LRRC61: variants seen among roughly 807,000 people sequenced by gnomAD.
The protein encoded by LRRC61 is leucine rich repeat containing 61.
LRRC61 carries 9 observed loss-of-function variants against 15.1 expected under a neutral mutation model. The observed-to-expected ratio is 0.60, with a 90% CI of 0.36 to 1.04. The LOEUF (loss-of-function observed/expected upper bound fraction) is 1.04, where lower values mean the gene tolerates loss of function less well. LRRC61 is among the 50% of genes least tolerant of loss of function. The probability of loss-of-function intolerance (pLI) is 0.01; values close to 1 mark genes in which losing one functional copy is unlikely to be tolerated. For synonymous variants in LRRC61, 173 were observed against 158.6 expected, an observed-to-expected ratio of 1.09 and a Z score of -0.68; for missense variants, 344 against 335.6, an observed-to-expected ratio of 1.03 and a Z score of -0.20.
In LRRC61 at chr7:150,325,849, G is replaced by A. The variant is rs2129618122; in HGVS notation, c.-306G>A. On this transcript the variant is annotated 5_prime_UTR_variant, in exon 2 of 3. Transcript: ENST00000359623. ...TAAAATTTACGTTTTAGATTCATTT[G>A]GATTCAAGGTTGGCTCTCAACAGTG... The A allele has an allele frequency of 6.5e-6, 1 of 152,740 alleles. No homozygotes were observed. Among genetic ancestry groups the A allele is most frequent in the East Asian group, 1.9e-4 (1 of 5,192 alleles). The allele number at this position is 152,740 out of a possible 1,614,324, so 9.5% of individuals were successfully genotyped here.
rs1369891261 is a variant in LRRC61, at chr7:150,337,473, C to T, written c.612C>T (p.Tyr204=). 6.2e-7 allele frequency: 1 copy of T among 1,603,186 alleles called. No individual in the cohort carries two copies. Among genetic ancestry groups the T allele is most frequent in the South Asian group, 1.1e-5 (1 of 91,024 alleles). ...CCCAGCCCTGGGTGGAGCCAGGCTA[C>T]TGGGAGTCCTGGCCCAGCCGGAGCA... ...TEAQPWVEPG[Y]WESWPSRSSS... is the part of the protein sequence containing the mutation. Residue 204 remains tyrosine (Y), a synonymous_variant, in exon 3 of 3, where the codon TAC becomes TAT. Transcript: ENST00000359623.
At position 150,330,104 on chromosome 7, in the gene LRRC61, C is replaced by T. The variant is rs1798058359; in HGVS notation, c.-145+4094C>T. 1 of 422,196 alleles carries T rather than the reference C, an allele frequency of 2.4e-6. No homozygotes were observed. The highest frequency in any genetic ancestry group is 2.1e-5 in the African/African-American group (1 of 48,642). The allele number at this position is 422,196 out of a possible 1,614,324, so 26.2% of individuals were successfully genotyped here. ...TGAGAAACTTTCTGTGTCACCCTCA[C>T]AGTGTCCAGATCATCCTGGGCACTG... is the stretch of plus-strand genomic sequence containing the variant. On this transcript the variant is annotated intron_variant, in intron 2 of 2. Transcript: ENST00000359623. The surrounding 1 kb of genome is among the most constrained non-coding windows in gnomAD (Gnocchi z 4.6).
At position 150,337,374 on chromosome 7, in the gene LRRC61, G is replaced by C. The variant is rs1798339378; in HGVS notation, c.513G>C (p.Glu171Asp). ...AGCGTGTGATTGGGCGTGGTAGTGA[G>C]TTCTACCAGCTGTGCCGAGACCTGG... ...DGERVIGRGS[E>D]FYQLCRDLDS... is the part of the protein sequence containing the mutation. The change falls in exon 3 of 3, where the codon GAG (glutamate) becomes GAC (aspartate). Residue 171 changes from glutamate (E) to aspartate (D), a missense_variant. Coordinates refer to ENST00000359623, the MANE Select transcript of LRRC61 (RefSeq NM_001142928.2). 6.2e-7 allele frequency: 1 copy of C among 1,605,390 alleles called. No homozygotes were observed. Among genetic ancestry groups the C allele is most frequent in the South Asian group, 1.1e-5 (1 of 91,088 alleles).
chr7:150,336,085 A>G (rs1321378644), intron 2 of LRRC61, among the ~76,000 whole-genome samples: 1 of 152,214 alleles, frequency 6.6e-6, no homozygotes, highest in Non-Finnish European at 1.5e-5. Context: ...CACTTACCCC[A>G]GCCTTCCCTG....
chr7:150,318,560 A>C (rs1015543840), upstream of LRRC61, among the ~76,000 whole-genome samples: 20 of 152,172 alleles, frequency 1.3e-4, no homozygotes, highest in African/African-American at 4.8e-4. Flanking sequence ...TCAGGAGTTC[A>C]AGACCAGCCT....
Position 150,330,958 on chromosome 7 carries a change from T to C in LRRC61, c.-145+4948T>C, listed in dbSNP as rs1044513689. On this transcript the variant is annotated intron_variant, in intron 2 of 2. Transcript: ENST00000359623. The surrounding 1 kb of genome is among the most constrained non-coding windows in gnomAD (Gnocchi z 4.6). The stretch of plus-strand genomic sequence containing the variant: ...GCCTCTGAGAGAAGCGGGGGCTCGC[T>C]GTCCACCAAGAGCCACTGGGCCAGC... 3 of 1,611,938 alleles carry C rather than the reference T, an allele frequency of 1.9e-6. No homozygotes were observed. Among genetic ancestry groups the C allele is most frequent in the Non-Finnish European group, 2.5e-6 (3 of 1,179,954 alleles).
chr7:150,330,332 G>T lies in LRRC61; in HGVS notation c.-145+4322G>T. On this transcript the variant is annotated intron_variant, in intron 2 of 2. Transcript: ENST00000359623. The surrounding 1 kb of genome is among the most constrained non-coding windows in gnomAD (Gnocchi z 4.6). ...ACAAGGGCAGGCACCAGCTGGGGAA[G>T]GCTGGTGTTGCCTTGTCGGCCACAT... 1.4e-6 allele frequency: 1 copy of T among 736,320 alleles called. No homozygotes were observed. 45.6% of individuals were successfully genotyped at this position (736,320 alleles called of 1,614,324 possible).
At chr7:150,315,016 AAAT>A in the LRRC61 span, among the ~76,000 whole-genome samples, 4,426 of 147,426 alleles carry the variant, frequency 0.03, 107 homozygotes, top group Non-Finnish European at 0.045. Context: ...TTAAATAATA[AAAT>A]AATATTTATA....
Position 150,337,544 on chromosome 7 carries a change from AG to A in LRRC61, c.685del (p.Glu229SerfsTer97). Reference protein sequence around the residue: ...EACRQFQDTLQECWDLDRQAS... With the variant: ...EACRQFQDTLXECWDLDRQAS... ...TGCCGGCAGTTCCAGGACACACTGC[AG>A]GAGTGCTGGGACCTGGACCGCCAGG... On this transcript the variant is annotated frameshift_variant, in exon 3 of 3. Coordinates refer to ENST00000359623, the MANE Select transcript of LRRC61 (RefSeq NM_001142928.2). LOFTEE classifies it high-confidence loss of function. 1 of 1,603,802 alleles carries A rather than the reference AG, an allele frequency of 6.2e-7. No homozygotes were observed. The highest frequency in any genetic ancestry group is 8.5e-7 in the Non-Finnish European group (1 of 1,176,952).
intron 2 of LRRC61, among the ~76,000 whole-genome samples, chr7:150,334,290 C>CTA (rs1425796833): frequency 6.6e-6 from 1 of 152,182 alleles, no homozygotes; most frequent in African/African-American, 2.4e-5. Context: ...TCGTCTGAGT[C>CTA]CAGTGGGGCG....
chr7:150,323,621 G>T, intron 1 of LRRC61, 61 bp downstream of exon 1: 1 of 454,352 alleles, frequency 2.2e-6, no homozygotes, highest in Non-Finnish European at 4.4e-6. Flanking sequence ...GCCCGTGCCG[G>T]CCCCGGGGGG....
chr7:150,319,722 T>C (rs1797303039), upstream of LRRC61, among the ~76,000 whole-genome samples: 1 of 152,216 alleles, frequency 6.6e-6, no homozygotes, highest in Non-Finnish European at 1.5e-5. Context: ...TTTAAAACAC[T>C]GTTGGGGCTA....
chr7:150,319,469 A>T (rs1296702248), upstream of LRRC61, among the ~76,000 whole-genome samples: 2 of 152,128 alleles, frequency 1.3e-5, no homozygotes, highest in African/African-American at 4.8e-5. Flanking sequence ...GGCCTCCCAA[A>T]GTGCTGGGAT....
rs1400252455 is a variant in LRRC61 at position 150,335,979 on chromosome 7, G to A, written c.-144-739G>A. ...ACCGTGCTGTCTGGCACGTATATCA[G>A]TGCTGTTCCATTGATCTGTCCAGCT... On this transcript the variant is annotated intron_variant, in intron 2 of 2. Coordinates refer to ENST00000359623, the MANE Select transcript of LRRC61 (RefSeq NM_001142928.2). The surrounding 1 kb of genome is among the most constrained non-coding windows in gnomAD (Gnocchi z 4.3). 6.6e-6 allele frequency among the ~76,000 whole-genome samples: 1 copy of A among 152,192 alleles called. No homozygotes were observed. Among genetic ancestry groups the A allele is most frequent in the African/African-American group, 2.4e-5 (1 of 41,440 alleles).
intron 2 of LRRC61, among the ~76,000 whole-genome samples, chr7:150,329,152 G>T (rs909014889): frequency 1.3e-5 from 2 of 152,154 alleles, no homozygotes; most frequent in African/African-American, 4.8e-5. Context: ...CAATAGGCTG[G>T]GTCCTCCATA....
In LRRC61 at chr7:150,330,203, C is replaced by T; in HGVS notation, c.-145+4193C>T. 1 of 592,950 alleles carries T rather than the reference C, an allele frequency of 1.7e-6. No individual in the cohort carries two copies. 36.7% of individuals were successfully genotyped at this position (592,950 alleles called of 1,614,324 possible). On this transcript the variant is annotated intron_variant, in intron 2 of 2. Transcript: ENST00000359623. The surrounding 1 kb of genome is among the most constrained non-coding windows in gnomAD (Gnocchi z 4.6). The stretch of plus-strand genomic sequence containing the variant: ...TCCTCACCCAGCTCCAGCGCCAGCG[C>T]AGCCTCCTAGCCCACCAGCCCTTTG...
chr7:150,331,151 T>C, intron 2 of LRRC61: 1 of 1,561,108 alleles, frequency 6.4e-7, no homozygotes, highest in South Asian at 1.2e-5. Flanking sequence ...CCCACCCTTG[T>C]AGAGCAAAAC....
Position 150,335,506 on chromosome 7 carries a change from G to A in LRRC61, c.-144-1212G>A, listed in dbSNP as rs1798259648. On this transcript the variant is annotated intron_variant, in intron 2 of 2. Coordinates refer to ENST00000359623, the MANE Select transcript of LRRC61 (RefSeq NM_001142928.2). The surrounding 1 kb of genome is among the most constrained non-coding windows in gnomAD (Gnocchi z 4.3). ...GGCAAGACCGTTTACATCCTCGCCA[G>A]CTCCCTGGTTGGGAACATAGTAAAT... Among the ~76,000 whole-genome samples, 1 of 152,254 alleles carries A rather than the reference G, an allele frequency of 6.6e-6. No individual in the cohort carries two copies. The highest frequency in any genetic ancestry group is 1.5e-5 in the Non-Finnish European group (1 of 68,048).
upstream of LRRC61, among the ~76,000 whole-genome samples, chr7:150,320,907 T>C (rs1056160569): frequency 6.6e-6 from 1 of 152,214 alleles, no homozygotes; most frequent in Non-Finnish European, 1.5e-5. Flanking sequence ...ATAGTGTCAC[T>C]CTAGTTAGGA....
Sources: allele counts gnomAD v4.1 joint callset (sites outside exome capture counted in the v4.1 genomes callset), GRCh38; gene constraint gnomAD v4.1.1; non-coding constraint Gnocchi (gnomAD v3.1); transcripts MANE v1.5; gene names NCBI Gene and HGNC (gene_info 2026-07-23, HGNC 2026-07-21).